The following ASIC5 variants were observed in gnomAD, a reference collection of about 807,000 sequenced individuals.
ASIC5 encodes bile acid-sensitive ion channel.
ASIC5 carries 52 observed loss-of-function variants against 51.2 expected under a neutral mutation model. The ratio of observed to expected loss-of-function variants is 1.02; its 90% CI spans 0.81 to 1.28. The LOEUF is 1.28. Ranked by LOEUF, ASIC5 falls within the 50% of genes most tolerant of loss-of-function variation. The probability of loss-of-function intolerance (pLI) is 0.00; values close to 1 mark genes in which losing one functional copy is unlikely to be tolerated. For missense variants in ASIC5, 635 were observed against 595.0 expected (o/e 1.07, Z -0.70); for synonymous variants, 231 against 200.7 (o/e 1.15, Z -1.28).
intron 1 of ASIC5, chr4:155,865,122 A>C (rs1456667774): frequency 6.6e-6 from 1 of 151,936 alleles, no homozygotes; most frequent in Non-Finnish European, 1.5e-5. Flanking sequence ...AAGGGAGTCC[A>C]TTTCATTCAC....
intron 2 of ASIC5, among the ~76,000 whole-genome samples, chr4:155,855,574 A>G (rs1741514291): frequency 1.3e-5 from 2 of 151,936 alleles, no homozygotes. Flanking sequence ...TGCTAAAGGC[A>G]TAGAACGGAA....
intron 7 of ASIC5, 103 bp from the exon 8 acceptor site, chr4:155,836,960 G>T (rs1039992008): frequency 1.2e-6 from 1 of 865,426 alleles, no homozygotes. Context: ...ATTAAAAAAA[G>T]GTGGTTACCA....
In ASIC5 at chr4:155,854,279, A is replaced by G. The variant is rs761330329; in HGVS notation, c.383T>C (p.Ile128Thr). ...QTDAVAKFGV[I>T]FFLWHIVSKV... is the part of the protein sequence containing the mutation. ...GGATACAATGTGCCATAAGAAAAAAATAACACCAAATTTGGCTACAGCATC... is the reference window on the plus strand; with the variant it reads ...GGATACAATGTGCCATAAGAAAAAAGTAACACCAAATTTGGCTACAGCATC... Residue 128 changes from isoleucine (I) to threonine (T), a missense_variant, in exon 3 of 10, where the codon ATT (isoleucine) becomes ACT (threonine). Transcript: ENST00000537611. 6.8e-6 allele frequency: 11 copies of G among 1,612,906 alleles called. No individual in the cohort carries two copies. In the Admixed American group the frequency reaches 1.7e-4, roughly 24 times the overall value.
At chr4:155,859,318 T>C (rs1179796978) in intron 2 of ASIC5, among the ~76,000 whole-genome samples, 1 of 152,092 alleles carries the variant, frequency 6.6e-6, no homozygotes, top group African/African-American at 2.4e-5. Flanking sequence ...AACATTTTTA[T>C]TGACATGAAT....
chr4:155,835,412 G>GAA (rs11304781), intron 8 of ASIC5, among the ~76,000 whole-genome samples: 5 of 139,140 alleles, frequency 3.6e-5, no homozygotes, highest in African/African-American at 1.0e-4. Flanking sequence ...CTGAGTTTTG[G>GAA]AAAAAAAAAA....
intron 1 of ASIC5, chr4:155,864,824 A>G (rs1741820878): frequency 6.6e-6 from 1 of 152,150 alleles, no homozygotes; most frequent in Non-Finnish European, 1.5e-5. Context: ...GGTAAATAGT[A>G]AAATATTCAG....
intron 9 of ASIC5, among the ~76,000 whole-genome samples, 177 bp from the exon 10 acceptor site, chr4:155,830,223 T>A (rs1289259270): frequency 6.6e-6 from 1 of 152,164 alleles, no homozygotes; most frequent in East Asian, 1.9e-4. Context: ...CAAAGTGGTA[T>A]TCATACAAAT....
chr4:155,842,198 T>C lies in ASIC5; in HGVS notation c.1009+9A>G. On this transcript the variant is annotated intron_variant, in intron 6 of 9. Transcript: ENST00000537611. ...TAGTTAAGTAAGGGGGCAGTTAGTCTTTATTTACCAGGAAGAAGAAAAGGC... is the reference window on the plus strand; with the variant it reads ...TAGTTAAGTAAGGGGGCAGTTAGTCCTTATTTACCAGGAAGAAGAAAAGGC... 1 of 1,612,826 alleles carries C rather than the reference T, an allele frequency of 6.2e-7. No homozygotes were observed. Among genetic ancestry groups the C allele is most frequent in the Non-Finnish European group, 8.5e-7 (1 of 1,179,224 alleles).
At chr4:155,850,768 AT>A (rs1407772340) in intron 4 of ASIC5, among the ~76,000 whole-genome samples, 1 of 152,006 alleles carries the variant, frequency 6.6e-6, no homozygotes, top group Non-Finnish European at 1.5e-5. Context: ...CTTATGTTAA[AT>A]TCAAATTCAT....
At chr4:155,860,871 T>C (rs938333420) in intron 2 of ASIC5, among the ~76,000 whole-genome samples, 1 of 151,938 alleles carries the variant, frequency 6.6e-6, no homozygotes, top group South Asian at 2.1e-4. Flanking sequence ...CTTCTTTTTC[T>C]TTTTAATTTA....
In ASIC5 at chr4:155,838,838, G is replaced by T; in HGVS notation, c.1041C>A (p.Tyr347Ter). 6.3e-7 allele frequency: 1 copy of T among 1,586,356 alleles called. No individual in the cohort carries two copies. Among genetic ancestry groups the T allele is most frequent in the Non-Finnish European group, 8.6e-7 (1 of 1,156,516 alleles). ...GYGIECDLQK[Y>*]FSCVSPVLDH... Reference sequence around the variant, plus strand: ...CAAGTACAGGAGAAACACAGCTGAAGTACTTTTGTAGGTCACATTCTATCC... The same window carrying T: ...CAAGTACAGGAGAAACACAGCTGAATTACTTTTGTAGGTCACATTCTATCC... Residue 347 changes from tyrosine (Y) to a stop codon, truncating the protein, a stop_gained, in exon 7 of 10, where the codon TAC (tyrosine) becomes TAA (stop). Transcript: ENST00000537611. LOFTEE classifies it high-confidence loss of function.
chr4:155,839,638 T>C lies in ASIC5; in HGVS notation c.1010-769A>G, dbSNP rs181041301. Among the ~76,000 whole-genome samples the C allele has an allele frequency of 8.6e-5, 13 of 151,948 alleles. No individual in the cohort carries two copies. In the East Asian group the frequency reaches 2.1e-3, roughly 25 times the overall value. On this transcript the variant is annotated intron_variant, in intron 6 of 9. Coordinates refer to ENST00000537611, the MANE Select transcript of ASIC5 (RefSeq NM_017419.3). ...TAATCTTGAAAATAACCAAAGGAGATTGTCCACTTACAACGTGCGGACAAT... is the reference window on the plus strand; with the variant it reads ...TAATCTTGAAAATAACCAAAGGAGACTGTCCACTTACAACGTGCGGACAAT...
rs1203073653 is a variant in ASIC5, at chr4:155,836,699, T to A, written c.1225A>T (p.Lys409Ter). Reference sequence around the variant, plus strand: ...GGCTAGTAAGGTTACCTGATGTATTTCCGGCTTTGATTCAACTTCTTGGAA... The same window carrying A: ...GGCTAGTAAGGTTACCTGATGTATTACCGGCTTTGATTCAACTTCTTGGAA... ...YLSKKLNQSR[K>*]YIRENLVKIE... Residue 409 changes from lysine to a stop codon, truncating the protein, a stop_gained, in exon 8 of 10, where the codon AAA (lysine) becomes TAA (stop). Coordinates refer to ENST00000537611, the MANE Select transcript of ASIC5 (RefSeq NM_017419.3). LOFTEE classifies it high-confidence loss of function. The A allele has an allele frequency of 1.2e-6, 2 of 1,607,192 alleles. No homozygotes were observed. The highest frequency in any genetic ancestry group is 2.2e-5 in the South Asian group (2 of 90,250).
intron 8 of ASIC5, among the ~76,000 whole-genome samples, chr4:155,834,556 T>C (rs1359073923): frequency 6.6e-6 from 1 of 152,136 alleles, no homozygotes; most frequent in East Asian, 1.9e-4. Flanking sequence ...TAAAACCATG[T>C]AAGGTCCCTA....
At chr4:155,839,214 A>G (rs1393233674) in intron 6 of ASIC5, among the ~76,000 whole-genome samples, 3 of 152,162 alleles carry the variant, frequency 2.0e-5, no homozygotes, top group African/African-American at 7.2e-5. Context: ...ATGGTTCACA[A>G]TCCTGTCATA....
At chr4:155,848,157 T>C (rs114180902) in intron 4 of ASIC5, among the ~76,000 whole-genome samples, 2,589 of 152,176 alleles carry the variant, frequency 0.017, 61 homozygotes, top group African/African-American at 0.057. Context: ...TGAAGTTTTT[T>C]TCTTTTTTTA....
At chr4:155,849,287 G>T (rs1361775647) in intron 4 of ASIC5, among the ~76,000 whole-genome samples, 1 of 151,978 alleles carries the variant, frequency 6.6e-6, no homozygotes, top group Non-Finnish European at 1.5e-5. Flanking sequence ...TTGGAACCTC[G>T]AGTGGCGAGG....
chr4:155,831,689 T>C (rs1740872765), intron 9 of ASIC5, 135 bp downstream of exon 9: 5 of 514,928 alleles, frequency 9.7e-6, no homozygotes, highest in Middle Eastern at 5.7e-4. Context: ...GAGAATGGTG[T>C]GAACCCCCTG....
At chr4:155,845,233 AT>A (rs1486218174) in intron 4 of ASIC5, among the ~76,000 whole-genome samples, 1 of 152,208 alleles carries the variant, frequency 6.6e-6, no homozygotes, top group Non-Finnish European at 1.5e-5. Flanking sequence ...TCTAAAAAGA[AT>A]TTTTTTAAAG....
Sources: allele counts gnomAD v4.1 joint callset (sites outside exome capture counted in the v4.1 genomes callset), GRCh38; gene constraint gnomAD v4.1.1; transcripts MANE v1.5; gene names NCBI Gene and HGNC (gene_info 2026-07-23, HGNC 2026-07-21).